The following GPCPD1 variants were observed in gnomAD, a reference collection of about 807,000 sequenced individuals.
GPCPD1 encodes glycerophosphocholine phosphodiesterase 1.
Under a neutral mutation model 89.2 loss-of-function variants are expected in GPCPD1, and 29 were observed. The observed-to-expected ratio is 0.33, with a 90% CI of 0.24 to 0.44. GPCPD1 has a LOEUF of 0.44. Among genes scored for constraint, GPCPD1 ranks in the 20% least tolerant of loss-of-function variants. The pLI is 1.00. For missense variants in GPCPD1, 594 were observed against 808.9 expected (o/e 0.73, Z 3.22); for synonymous variants, 258 against 266.3 (o/e 0.97, Z 0.30).
At chr20:5,558,919 G>A (rs769762544) in intron 17 of GPCPD1, 100 bp from the exon 18 acceptor site, 90 of 872,774 alleles carry the variant, frequency 1.0e-4, no homozygotes, top group Non-Finnish European at 1.3e-4. Context: ...GAAAACAAAC[G>A]AGGCCGGGCA....
intron 1 of GPCPD1, among the ~76,000 whole-genome samples, chr20:5,609,659 T>C (rs1489463604): frequency 1.3e-5 from 2 of 152,186 alleles, no homozygotes; most frequent in Non-Finnish European, 2.9e-5. Flanking sequence ...ATGAGTTTTC[T>C]TTTGTGGTCA....
rs749521301 is a variant in GPCPD1, at chr20:5,558,794, GA to G, written c.1557del (p.Pro520ArgfsTer5). 5.1e-6 allele frequency: 8 copies of G among 1,573,686 alleles called. No homozygotes were observed. The highest frequency in any genetic ancestry group is 2.7e-5 in the African/African-American group (2 of 72,894). ...CTMVRQKQNK[Y>X]PILFLTQGKS... ...TTTCCTTGAGTTAAAAATAGTATCG[GA>G]TATTTGTTCTGCTTTTGCCGAACCC... On this transcript the variant is annotated frameshift_variant, in exon 18 of 20. Coordinates refer to ENST00000379019, the MANE Select transcript of GPCPD1 (RefSeq NM_019593.5). LOFTEE classifies it high-confidence loss of function.
chr20:5,603,250 A>G (rs1308661214), intron 2 of GPCPD1, among the ~76,000 whole-genome samples: 1 of 152,144 alleles, frequency 6.6e-6, no homozygotes, highest in Non-Finnish European at 1.5e-5. Context: ...CTGGGATCGC[A>G]TCACTGCACT....
At chr20:5,558,433 TTA>T (rs1985899857) in intron 18 of GPCPD1, among the ~76,000 whole-genome samples, 1 of 152,224 alleles carries the variant, frequency 6.6e-6, no homozygotes, top group Non-Finnish European at 1.5e-5. Context: ...CTGAACATTT[TTA>T]GATTATTCAT....
intron 19 of GPCPD1, among the ~76,000 whole-genome samples, chr20:5,556,742 T>C (rs2122559615): frequency 6.6e-6 from 1 of 152,316 alleles, no homozygotes; most frequent in Middle Eastern, 3.4e-3. Context: ...ATTTGTTCAA[T>C]AAATTATTTG....
In GPCPD1 at chr20:5,547,814, G is replaced by T; in HGVS notation, c.1866C>A (p.Phe622Leu). The change falls in exon 20 of 20, where the codon TTC becomes TTA. Residue 622 changes from phenylalanine to leucine, a missense_variant. By Grantham distance (22) the Phe-to-Leu change is conservative. Transcript: ENST00000379019. ...YDWMPEQPNI[F>L]QVEQLERLKQ... ...TCAGGCGTTCCAATTGCTCCACTTG[G>T]AATATATTTGGTTGTTCAGGCATCC... The T allele has an allele frequency of 6.2e-7, 1 of 1,608,300 alleles. No individual in the cohort carries two copies. The highest frequency in any genetic ancestry group is 1.7e-5 in the Admixed American group (1 of 59,790).
chr20:5,561,436 T>C (rs747855751), intron 16 of GPCPD1, 29 bp downstream of exon 16: 39 of 1,259,444 alleles, frequency 3.1e-5, no homozygotes, highest in South Asian at 2.5e-4. Flanking sequence ...ATAGAGAGTA[T>C]AGAATGTGCT....
chr20:5,556,984 T>C (rs1985807416), intron 19 of GPCPD1, among the ~76,000 whole-genome samples: 1 of 152,218 alleles, frequency 6.6e-6, no homozygotes, highest in Non-Finnish European at 1.5e-5. Context: ...GCACTGTGAA[T>C]AGAAGTTGTT....
At position 5,544,554 on chromosome 20, in the gene GPCPD1, A is replaced by G. The variant is rs1290721968; in HGVS notation, c.*3107T>C. On this transcript the variant is annotated 3_prime_UTR_variant, in exon 20 of 20. Coordinates refer to ENST00000379019, the MANE Select transcript of GPCPD1 (RefSeq NM_019593.5). Reference sequence around the variant, plus strand: ...GGGGCTTACAATCTTACTGGAGAATATAACAGGCACATAAGAAGCTGGACT... The same window carrying G: ...GGGGCTTACAATCTTACTGGAGAATGTAACAGGCACATAAGAAGCTGGACT... 1.3e-5 allele frequency: 2 copies of G among 152,254 alleles called. No homozygotes were observed. The highest frequency in any genetic ancestry group is 4.8e-5 in the African/African-American group (2 of 41,462). The allele number at this position is 152,254 out of a possible 1,614,324, so 9.4% of individuals were successfully genotyped here. A position where few individuals can be genotyped will look rare whatever the true frequency, so the allele number is the denominator to read the frequency against.
chr20:5,584,122 T>C (rs895266436), intron 6 of GPCPD1, among the ~76,000 whole-genome samples, 159 bp downstream of exon 6: 16 of 152,214 alleles, frequency 1.1e-4, no homozygotes, highest in Non-Finnish European at 2.2e-4. Flanking sequence ...TATAATCATA[T>C]GAGACTGCTG....
chr20:5,554,525 T>C (rs1008846871), intron 19 of GPCPD1, among the ~76,000 whole-genome samples: 2 of 152,182 alleles, frequency 1.3e-5, no homozygotes, highest in African/African-American at 4.8e-5. Flanking sequence ...GCTCCAGAAA[T>C]GCAACAAAGT....
chr20:5,581,814 C>CTTTTTTTTTTTTTTTTTTTTTTTTTTTT (rs11479995), intron 6 of GPCPD1, among the ~76,000 whole-genome samples: 1 of 75,030 alleles, frequency 1.3e-5, no homozygotes, highest in Non-Finnish European at 2.3e-5. Context: ...GGGACTTTAA[C>CTTTTTTTTTTTTTTTTTTTTTTTTTTTT]TTTTTTTTTT....
At chr20:5,556,740 A>T (rs1237109825) in intron 19 of GPCPD1, among the ~76,000 whole-genome samples, 1 of 152,228 alleles carries the variant, frequency 6.6e-6, no homozygotes, top group Non-Finnish European at 1.5e-5. Context: ...ATATTTGTTC[A>T]ATAAATTATT....
intron 3 of GPCPD1, among the ~76,000 whole-genome samples, chr20:5,597,001 G>A (rs1254540499): frequency 1.3e-5 from 2 of 152,180 alleles, no homozygotes; most frequent in South Asian, 2.1e-4. Context: ...ACAGGCAGGG[G>A]TGTGTTTTAG....
At chr20:5,574,651 T>C (rs1335716857) in intron 10 of GPCPD1, among the ~76,000 whole-genome samples, 1 of 152,082 alleles carries the variant, frequency 6.6e-6, no homozygotes, top group Non-Finnish European at 1.5e-5. Context: ...GGTGGGAGAA[T>C]GGCTTGAGCT....
At chr20:5,589,562 T>C (rs1429280685) in intron 4 of GPCPD1, among the ~76,000 whole-genome samples, 1 of 151,930 alleles carries the variant, frequency 6.6e-6, no homozygotes, top group Admixed American at 6.6e-5. Context: ...CAATGAGCCA[T>C]TACACTCCAG....
At chr20:5,605,943 C>T (rs148079096) in intron 1 of GPCPD1, among the ~76,000 whole-genome samples, 1 of 152,200 alleles carries the variant, frequency 6.6e-6, no homozygotes, top group Non-Finnish European at 1.5e-5. Context: ...CCTCACATCC[C>T]TGGCTTGGAA....
rs758440813 is a variant in GPCPD1, at chr20:5,567,567, A to T, written c.1150-7T>A. The T allele has an allele frequency of 1.3e-5, 20 of 1,542,292 alleles. No individual in the cohort carries two copies. The Admixed American group carries it at 4.5e-4, about 35-fold the overall frequency. ...CTGGATCAGCATCAAATTTCTAAAA[A>T]AAAAAAAAAAAGAAAGAAAGAAAAA... is the stretch of plus-strand genomic sequence containing the variant. On this transcript the variant is annotated splice_region_variant and splice_polypyrimidine_tract_variant and intron_variant, in intron 12 of 19. Coordinates refer to ENST00000379019, the MANE Select transcript of GPCPD1 (RefSeq NM_019593.5).
intron 7 of GPCPD1, 42 bp downstream of exon 7, chr20:5,579,966 G>A: frequency 7.5e-7 from 1 of 1,334,960 alleles, no homozygotes; most frequent in Non-Finnish European, 1.1e-6. Flanking sequence ...TACAGCACTA[G>A]TGAAAACAAA....
Sources: allele counts gnomAD v4.1 joint callset (sites outside exome capture counted in the v4.1 genomes callset), GRCh38; gene constraint gnomAD v4.1.1; transcripts MANE v1.5; gene names NCBI Gene and HGNC (gene_info 2026-07-23, HGNC 2026-07-21).